Variants in GALNT13 observed in about 807,000 individuals in gnomAD.
GALNT13 encodes UDP-GalNAc:polypeptide N-acetylgalactosaminyltransferase 13.
GALNT13 carries 28 observed loss-of-function variants against 64.2 expected under a neutral mutation model. That is an observed-to-expected ratio of 0.44 (90% confidence interval 0.32 to 0.60). The LOEUF (loss-of-function observed/expected upper bound fraction) is 0.60. GALNT13 is among the 20% of genes least tolerant of loss of function. The pLI, the probability that GALNT13 is intolerant of heterozygous loss-of-function variation, is 0.05. For missense variants in GALNT13, 577 were observed against 669.8 expected (o/e 0.86, Z 1.53); for synonymous variants, 214 against 224.6 (o/e 0.95, Z 0.42).
chr2:153,547,117 T>A, the GALNT13 span, among the ~76,000 whole-genome samples: 1 of 152,222 alleles, frequency 6.6e-6, no homozygotes, highest in Non-Finnish European at 1.5e-5. Flanking sequence ...CCTGCACTAT[T>A]AGTCCTTTGA....
At chr2:154,055,298 T>C (rs1032262532) in intron 3 of GALNT13, among the ~76,000 whole-genome samples, 1 of 152,100 alleles carries the variant, frequency 6.6e-6, no homozygotes, top group African/African-American at 2.4e-5. Context: ...TGTAGTTCTT[T>C]TTTTTCTTCT....
the GALNT13 span, among the ~76,000 whole-genome samples, chr2:153,321,412 A>G: frequency 6.6e-6 from 1 of 152,160 alleles, no homozygotes; most frequent in Non-Finnish European, 1.5e-5. Context: ...TGAAATCTGT[A>G]GTTTTTAAAT....
At position 154,376,575 on chromosome 2, in the gene GALNT13, CTT is replaced by C. The variant is rs539464253; in HGVS notation, c.1157-19415_1157-19414del. On this transcript the variant is annotated intron_variant, in intron 9 of 12. Transcript: ENST00000392825. ...TAGTGTCTGAGTCTTAATGAAATCT[CTT>C]AAATTTATATAGAAGTCAAAATTAA... is the stretch of plus-strand genomic sequence containing the variant. 3.3e-3 allele frequency among the ~76,000 whole-genome samples: 496 copies of C among 152,126 alleles called. 5 individuals are homozygous for C. Among genetic ancestry groups the C allele is most frequent in the African/African-American group, 0.011 (464 of 41,534 alleles).
At chr2:153,711,304 G>C in the GALNT13 span, among the ~76,000 whole-genome samples, 3 of 152,024 alleles carry the variant, frequency 2.0e-5, no homozygotes, top group Admixed American at 2.0e-4. Flanking sequence ...CTAAAATCTG[G>C]CCTCAAGTTA....
the GALNT13 span, among the ~76,000 whole-genome samples, chr2:153,338,070 C>T: frequency 6.6e-6 from 1 of 152,066 alleles, no homozygotes; most frequent in Non-Finnish European, 1.5e-5. Context: ...TTGGGAGGAT[C>T]ACTTCAGGTC....
At chr2:153,369,589 TCTGA>T in the GALNT13 span, among the ~76,000 whole-genome samples, 76 of 152,296 alleles carry the variant, frequency 5.0e-4, no homozygotes, top group Middle Eastern at 6.8e-3. Flanking sequence ...ATCTCCTCCC[TCTGA>T]CTGTTAGCTG....
intron 3 of GALNT13, among the ~76,000 whole-genome samples, chr2:154,084,943 T>A (rs1277090514): frequency 6.6e-6 from 1 of 151,950 alleles, no homozygotes; most frequent in African/African-American, 2.4e-5. Flanking sequence ...AGTAAGGCAA[T>A]TTAATTGCTT....
At chr2:154,153,022 T>G (rs1684151212) in intron 4 of GALNT13, among the ~76,000 whole-genome samples, 1 of 152,184 alleles carries the variant, frequency 6.6e-6, no homozygotes, top group African/African-American at 2.4e-5. Context: ...TTTTAGAGTT[T>G]CCAGTTTTTC....
intron 1 of GALNT13, among the ~76,000 whole-genome samples, chr2:153,882,416 A>G (rs997897627): frequency 1.3e-5 from 2 of 152,088 alleles, no homozygotes; most frequent in African/African-American, 4.8e-5. Context: ...TCACTCACTC[A>G]CCTAACTATC....
At chr2:153,359,478 G>A in the GALNT13 span, among the ~76,000 whole-genome samples, 522 of 151,862 alleles carry the variant, frequency 3.4e-3, 2 homozygotes, top group African/African-American at 0.012. Context: ...AAAACAGTCA[G>A]ACTTCAAGTT....
chr2:153,115,591 A>G, the GALNT13 span, among the ~76,000 whole-genome samples: 1 of 152,134 alleles, frequency 6.6e-6, no homozygotes, highest in East Asian at 1.9e-4. Flanking sequence ...ATCAGAAGTC[A>G]TTCATGATGT....
At chr2:154,245,758 A>C (rs1689745558) in intron 6 of GALNT13, 54 bp from the exon 7 acceptor site, 1 of 1,195,324 alleles carries the variant, frequency 8.4e-7, no homozygotes, top group African/African-American at 1.5e-5. Context: ...TGAAGAAGAT[A>C]ATGTAACATT....
the GALNT13 span, among the ~76,000 whole-genome samples, chr2:153,089,971 G>T: frequency 6.6e-6 from 1 of 151,978 alleles, no homozygotes; most frequent in Non-Finnish European, 1.5e-5. Flanking sequence ...ATCCATTTCT[G>T]GGGAGCTGGT....
intron 11 of GALNT13, among the ~76,000 whole-genome samples, chr2:154,430,071 G>C (rs1036438116): frequency 6.6e-6 from 1 of 152,204 alleles, no homozygotes; most frequent in Non-Finnish European, 1.5e-5. Context: ...TGTACAAGGA[G>C]ATTAATGTTT....
chr2:153,989,149 A>G (rs1695000960), intron 3 of GALNT13, among the ~76,000 whole-genome samples: 1 of 152,070 alleles, frequency 6.6e-6, no homozygotes, highest in Non-Finnish European at 1.5e-5. Flanking sequence ...ACAAAATGAT[A>G]TAAAATTGAG....
chr2:154,451,498 G>A lies in GALNT13; in HGVS notation c.*947G>A, dbSNP rs1701869500. On this transcript the variant is annotated 3_prime_UTR_variant, in exon 13 of 13. Coordinates refer to ENST00000392825, the MANE Select transcript of GALNT13 (RefSeq NM_052917.4). ...CTATTGCACTTAAAGATTTTAGTTAGGTTACCACTGTCATTTTCATTTTCT... is the reference window on the plus strand; with the variant it reads ...CTATTGCACTTAAAGATTTTAGTTAAGTTACCACTGTCATTTTCATTTTCT... The A allele has an allele frequency of 6.6e-6, 1 of 152,010 alleles. No individual in the cohort carries two copies. The highest frequency in any genetic ancestry group is 1.5e-5 in the Non-Finnish European group (1 of 68,014). 9.4% of individuals were successfully genotyped at this position (152,010 alleles called of 1,614,324 possible). A position where few individuals can be genotyped will look rare whatever the true frequency, so the allele number is the denominator to read the frequency against.
chr2:154,408,948 A>G, intron 10 of GALNT13, 36 bp from the exon 11 acceptor site: 1 of 1,276,780 alleles, frequency 7.8e-7, no homozygotes, highest in African/African-American at 1.5e-5. Context: ...TGTCTGATTT[A>G]TGTTTTATCC....
chr2:153,478,814 G>A, the GALNT13 span: 3 of 452,086 alleles, frequency 6.6e-6, no homozygotes, highest in Non-Finnish European at 8.0e-6. Flanking sequence ...CTCGCTCGAG[G>A]GGGGGCTGTT....
intron 3 of GALNT13, among the ~76,000 whole-genome samples, chr2:154,087,928 A>C (rs1701615147): frequency 6.6e-6 from 1 of 152,136 alleles, no homozygotes; most frequent in South Asian, 2.1e-4. Context: ...ACTTTTGTAG[A>C]AACTCCTGGC....
Sources: gnomAD v4.1 joint callset for allele counts (sites outside exome capture counted in the v4.1 genomes callset) on GRCh38, gnomAD v4.1.1 for gene constraint, MANE v1.5 for transcripts, NCBI Gene and HGNC (gene_info 2026-07-23, HGNC 2026-07-21) for gene names.